The following GKN1 variants were observed in gnomAD, a reference collection of about 807,000 sequenced individuals.
GKN1 encodes gastrokine-1.
Under a neutral mutation model 19.7 loss-of-function variants are expected in GKN1, and 17 were observed. That is an observed-to-expected ratio of 0.86 (90% CI 0.59 to 1.29). The LOEUF (loss-of-function observed/expected upper bound fraction) is 1.29, where lower values mean the gene tolerates loss of function less well. Ranked by LOEUF, GKN1 falls within the 50% of genes most tolerant of loss-of-function variation. GKN1 has a pLI of 0.00. For synonymous variants in GKN1, 96 were observed against 78.3 expected, an observed-to-expected ratio of 1.23 and a Z score of -1.20; for missense variants, 218 against 224.5, an observed-to-expected ratio of 0.97 and a Z score of 0.19.
At chr2:68,979,013 G>A (rs1045274546) in intron 4 of GKN1, 32 bp downstream of exon 4, 1 of 1,087,428 alleles carries the variant, frequency 9.2e-7, no homozygotes. Flanking sequence ...TTTTTGGTGA[G>A]GGGAGAGGTT....
Position 68,980,907 on chromosome 2 carries a change from C to A in GKN1, c.*84C>A. ...TGGGCTCCAGTGGTTTTTACCATGTCATTCTGAAATTTTTCTCTACTAGTT... is the reference window on the plus strand; with the variant it reads ...TGGGCTCCAGTGGTTTTTACCATGTAATTCTGAAATTTTTCTCTACTAGTT... On this transcript the variant is annotated 3_prime_UTR_variant, in exon 6 of 6. Coordinates refer to ENST00000377938, the MANE Select transcript of GKN1 (RefSeq NM_019617.4). The A allele has an allele frequency of 1.4e-6, 1 of 716,912 alleles. No homozygotes were observed. The highest frequency in any genetic ancestry group is 1.5e-5 in the South Asian group (1 of 64,744). The allele number at this position is 716,912 out of a possible 1,614,324, so 44.4% of individuals were successfully genotyped here. A position where few individuals can be genotyped will look rare whatever the true frequency, so the allele number is the denominator to read the frequency against.
At chr2:68,976,098 A>G (rs1302489646) in intron 1 of GKN1, among the ~76,000 whole-genome samples, 1 of 152,116 alleles carries the variant, frequency 6.6e-6, no homozygotes, top group Non-Finnish European at 1.5e-5. Flanking sequence ...GAGACACTCT[A>G]TACTTGCTTT....
intron 1 of GKN1, among the ~76,000 whole-genome samples, chr2:68,976,239 G>A (rs1573742100): frequency 6.6e-6 from 1 of 152,090 alleles, no homozygotes; most frequent in East Asian, 1.9e-4. Flanking sequence ...ATTTTCAGAT[G>A]TGATTTTTAG....
chr2:68,976,535 T>C lies in GKN1; in HGVS notation c.13-960T>C, dbSNP rs117053732. Among the ~76,000 whole-genome samples, 152 of 152,274 alleles carry C rather than the reference T, an allele frequency of 1.0e-3. 2 individuals are homozygous for C. In the East Asian group the frequency reaches 0.025, roughly 26 times the overall value. On this transcript the variant is annotated intron_variant, in intron 1 of 5. Coordinates refer to ENST00000377938, the MANE Select transcript of GKN1 (RefSeq NM_019617.4). Reference sequence around the variant, plus strand: ...GTGAGCATCAACAACCTGTGTAACATAAGCCACAGTACAAATTTAAGCTGA... The same window carrying C: ...GTGAGCATCAACAACCTGTGTAACACAAGCCACAGTACAAATTTAAGCTGA...
In GKN1 at chr2:68,977,503, T is replaced by C. The variant is rs1011594710; in HGVS notation, c.21T>C (p.Phe7=). The change falls in exon 2 of 6, where the codon TTT becomes TTC. Residue 7 remains phenylalanine (F), a synonymous_variant. Coordinates refer to ENST00000377938, the MANE Select transcript of GKN1 (RefSeq NM_019617.4). ...GTTATTTGTGATTTCAGATTGTCTTTGCTGGACTTCTTGGAGTCTTTCTAG... is the reference window on the plus strand; with the variant it reads ...GTTATTTGTGATTTCAGATTGTCTTCGCTGGACTTCTTGGAGTCTTTCTAG... MKFTIV[F]AGLLGVFLAP... The C allele has an allele frequency of 3.1e-6, 5 of 1,607,618 alleles. No homozygotes were observed. The African/African-American group carries it at 6.7e-5, about 22-fold the overall frequency.
intron 1 of GKN1, 55 bp downstream of exon 1, chr2:68,974,744 T>C (rs1670226562): frequency 8.7e-7 from 1 of 1,150,676 alleles, no homozygotes; most frequent in Admixed American, 1.7e-5. Flanking sequence ...ACTGTCAATA[T>C]TCTGAGATTT....
intron 5 of GKN1, 124 bp from the exon 6 acceptor site, chr2:68,980,602 CACA>C (rs1287891791): frequency 9.7e-6 from 6 of 620,126 alleles, no homozygotes; most frequent in Non-Finnish European, 1.4e-5. Context: ...TTGATTTCAT[CACA>C]ACAAGTAGAT....
intron 5 of GKN1, among the ~76,000 whole-genome samples, 161 bp from the exon 6 acceptor site, chr2:68,980,568 C>A (rs1670344140): frequency 6.6e-6 from 1 of 152,158 alleles, no homozygotes; most frequent in Admixed American, 6.5e-5. Flanking sequence ...AACTTAATGG[C>A]AATTTTCCAG....
At chr2:68,977,585 A>G (rs1446316738) in intron 2 of GKN1, 37 bp downstream of exon 2, 6 of 1,604,490 alleles carry the variant, frequency 3.7e-6, no homozygotes, top group Admixed American at 1.7e-5. Context: ...ACCAAAATGC[A>G]TTTGCAAGGA....
In GKN1 at chr2:68,980,808, C is replaced by A. The variant is rs905028659; in HGVS notation, c.543C>A (p.Asp181Glu). Residue 181 changes from aspartate to glutamate, a missense_variant, in exon 6 of 6, where the codon GAC (aspartate) becomes GAA (glutamate). Asp to Glu is a conservative substitution (Grantham distance 45). Transcript: ENST00000377938. ...TTGTGGACATTTCCTTCTGTGGAGA[C>A]ACGGTGGAGAACTAAACAATTTTTT... is the stretch of plus-strand genomic sequence containing the variant. Reference protein sequence around the residue: ...LWIVDISFCGDTVEN With the variant: ...LWIVDISFCGETVEN The A allele has an allele frequency of 5.8e-6, 9 of 1,548,398 alleles. No individual in the cohort carries two copies. The highest frequency in any genetic ancestry group is 8.0e-6 in the Non-Finnish European group (9 of 1,120,320).
At chr2:68,980,131 C>T in intron 5 of GKN1, 71 bp downstream of exon 5, 1 of 1,329,914 alleles carries the variant, frequency 7.5e-7, no homozygotes, top group Non-Finnish European at 1.1e-6. Flanking sequence ...CGCGCGTGTC[C>T]ATAGTGGGCA....
At chr2:68,975,007 C>CT (rs1030769901) in intron 1 of GKN1, among the ~76,000 whole-genome samples, 6 of 151,662 alleles carry the variant, frequency 4.0e-5, no homozygotes, top group Admixed American at 3.3e-4. Flanking sequence ...GAAAAAAAAT[C>CT]TTTTTTCTAT....
At chr2:68,975,120 T>C (rs930989231) in intron 1 of GKN1, among the ~76,000 whole-genome samples, 2 of 152,164 alleles carry the variant, frequency 1.3e-5, no homozygotes, top group Non-Finnish European at 2.9e-5. Flanking sequence ...TTTAACAAAA[T>C]GACTTTCCGC....
chr2:68,977,783 T>A lies in GKN1; in HGVS notation c.204+9T>A. On this transcript the variant is annotated intron_variant, in intron 3 of 5. Coordinates refer to ENST00000377938, the MANE Select transcript of GKN1 (RefSeq NM_019617.4). ...TCTGGGATTATGGAAATGTAGGTAG[T>A]CAACGTGCAATTTTCACTTTATTGT... is the stretch of plus-strand genomic sequence containing the variant. 1.9e-6 allele frequency: 3 copies of A among 1,597,874 alleles called. No homozygotes were observed. Among genetic ancestry groups the A allele is most frequent in the Non-Finnish European group, 2.6e-6 (3 of 1,166,174 alleles).
Position 68,979,030 on chromosome 2 carries a change from C to A in GKN1, c.315+49C>A. On this transcript the variant is annotated intron_variant, in intron 4 of 5. Transcript: ENST00000377938. The stretch of plus-strand genomic sequence containing the variant: ...TTTGGTGAGGGGAGAGGTTTTACAT[C>A]CTTCAGTAAATAACGAGAAGATCAC... 3.5e-6 allele frequency: 3 copies of A among 860,036 alleles called. No homozygotes were observed. The South Asian group carries it at 4.3e-5, about 12-fold the overall frequency. The allele number at this position is 860,036 out of a possible 1,614,324, so 53.3% of individuals were successfully genotyped here. A position where few individuals can be genotyped will look rare whatever the true frequency, so the allele number is the denominator to read the frequency against.
At chr2:68,977,958 T>A (rs979911319) in intron 3 of GKN1, 184 bp downstream of exon 3, 17 of 591,312 alleles carry the variant, frequency 2.9e-5, no homozygotes, top group Admixed American at 2.7e-4. Context: ...CTACTGTTAA[T>A]AAGTGTTGCA....
At chr2:68,978,259 A>AGAAGGAAGGAAGGAAGGAAGGAAG (rs368946545) in intron 3 of GKN1, 58 of 125,038 alleles carry the variant, frequency 4.6e-4, no homozygotes, top group African/African-American at 1.6e-3. Flanking sequence ...AAAGAAAGAA[A>AGAAGGAAGGAAGGAAGGAAGGAAG]GAAGGAAGGA....
chr2:68,978,262 A>AAAAG (rs1411388371), intron 3 of GKN1, among the ~76,000 whole-genome samples: 1 of 134,482 alleles, frequency 7.4e-6, no homozygotes, highest in African/African-American at 3.3e-5. Flanking sequence ...GAAAGAAAGA[A>AAAAG]GGAAGGAAGG....
At position 68,980,852 on chromosome 2, in the gene GKN1, G is replaced by A. The variant is rs777358672; in HGVS notation, c.*29G>A. The A allele has an allele frequency of 9.3e-6, 10 of 1,078,632 alleles. No homozygotes were observed. The highest frequency in any genetic ancestry group is 2.4e-5 in the East Asian group (1 of 42,506). The allele number at this position is 1,078,632 out of a possible 1,614,324, so 66.8% of individuals were successfully genotyped here. On this transcript the variant is annotated 3_prime_UTR_variant, in exon 6 of 6. Transcript: ENST00000377938. ...ATTTTTTAAAGCCACTATGGATTTA[G>A]TCATCTGAATATGCTGTGCAGAAAA...
Sources: gnomAD v4.1 joint callset for allele counts (sites outside exome capture counted in the v4.1 genomes callset) on GRCh38, gnomAD v4.1.1 for gene constraint, MANE v1.5 for transcripts, NCBI Gene and HGNC (gene_info 2026-07-23, HGNC 2026-07-21) for gene names.